Variants in GLE1 observed in about 807,000 individuals in gnomAD.
The protein encoded by GLE1 is GLE1 RNA export mediator, also known as mRNA export factor GLE1.
In GLE1, 78 loss-of-function variants were observed where a neutral mutation model predicts 97.3. The observed-to-expected ratio is 0.80, with a 90% confidence interval of 0.67 to 0.97. The LOEUF (loss-of-function observed/expected upper bound fraction) is 0.97, where lower values mean the gene tolerates loss of function less well. GLE1 is among the 50% of genes least tolerant of loss of function. The pLI, the probability that GLE1 is intolerant of heterozygous loss-of-function variation, is 0.00. For missense variants in GLE1, 753 were observed against 857.5 expected, an observed-to-expected ratio of 0.88 and a Z score of 1.52; for synonymous variants, 302 against 313.4, an observed-to-expected ratio of 0.96 and a Z score of 0.39.
chr9:128,539,763 A>G (rs1847833002), intron 14 of GLE1, 65 bp downstream of exon 14: 4 of 1,613,124 alleles, frequency 2.5e-6, no homozygotes, highest in East Asian at 2.2e-5. Flanking sequence ...CAGATACCCA[A>G]GGGTGCTATT....
rs1846960515 is a variant in GLE1, at chr9:128,515,584, T to G, written c.377T>G (p.Ile126Ser). ...ESMVLQSSRG[I>S]KVEGCVRMYE... Reference sequence around the variant, plus strand: ...ATGGTACTTCAGTCCTCACGGGGGATCAAAGTGGAAGGCTGCGTCCGAATG... The same window carrying G: ...ATGGTACTTCAGTCCTCACGGGGGAGCAAAGTGGAAGGCTGCGTCCGAATG... The change falls in exon 3 of 16, where the codon ATC becomes AGC. Residue 126 changes from isoleucine to serine, a missense_variant. Coordinates refer to ENST00000309971, the MANE Select transcript of GLE1 (RefSeq NM_001003722.2). 1.9e-6 allele frequency: 3 copies of G among 1,609,952 alleles called. No individual in the cohort carries two copies.
At chr9:128,540,929 C>T in intron 15 of GLE1, 173 bp from the exon 16 acceptor site, 1 of 627,030 alleles carries the variant, frequency 1.6e-6, no homozygotes, top group South Asian at 1.9e-5. Context: ...TGGAGCAGAT[C>T]ATGCAGAAGT....
intron 13 of GLE1, among the ~76,000 whole-genome samples, chr9:128,538,626 G>A (rs1450043685): frequency 2.6e-5 from 4 of 152,090 alleles, no homozygotes; most frequent in South Asian, 2.1e-4. Flanking sequence ...GTGAAACCCC[G>A]TCTCTACTAA....
rs780333779 is a variant in GLE1 at position 128,536,431 on chromosome 9, C to T, written c.1723C>T (p.Arg575Cys). The change falls in exon 12 of 16, where the codon CGT (arginine) becomes TGT (cysteine). Residue 575 changes from arginine (R) to cysteine (C), a missense_variant. Transcript: ENST00000309971. ...TCTAAAACGCATGTCAGGGATGATC[C>T]GTCTCTACGCTGCTATCATCCAGCT... Reference protein sequence around the residue: ...NFLKRMSGMIRLYAAIIQLRW... With the variant: ...NFLKRMSGMICLYAAIIQLRW... 2.5e-6 allele frequency: 4 copies of T among 1,613,948 alleles called. No individual in the cohort carries two copies. The highest frequency in any genetic ancestry group is 1.1e-5 in the South Asian group (1 of 91,074).
In GLE1 at chr9:128,509,025, A is replaced by G; in HGVS notation, c.249A>G (p.Ser83=). ...CAGCTTCAGCCCTAGATCAACCCTC[A>G]TTTGTTCCCAAATCTCCTGACGCAA... is the stretch of plus-strand genomic sequence containing the variant. The part of the protein sequence containing the change: ...STSASALDQP[S]FVPKSPDASS... The change falls in exon 2 of 16, where the codon TCA becomes TCG. Residue 83 remains serine (S), a synonymous_variant. Coordinates refer to ENST00000309971, the MANE Select transcript of GLE1 (RefSeq NM_001003722.2). 6.2e-7 allele frequency: 1 copy of G among 1,613,852 alleles called. No individual in the cohort carries two copies.
chr9:128,507,481 G>A (rs2132399490), intron 1 of GLE1, among the ~76,000 whole-genome samples: 1 of 152,130 alleles, frequency 6.6e-6, no homozygotes, highest in East Asian at 1.9e-4. Flanking sequence ...CTCCTTGAGA[G>A]GCTGAGGTGG....
rs780870445 is a variant in GLE1, at chr9:128,526,032, C to T, written c.1129+609C>T. Reference sequence around the variant, plus strand: ...TTGTTGTTGTTGTTGTTGTTTTTTGCGGGGAGGGGATGGAGATTTGCTCTT... The same window carrying T: ...TTGTTGTTGTTGTTGTTGTTTTTTGTGGGGAGGGGATGGAGATTTGCTCTT... On this transcript the variant is annotated intron_variant, in intron 7 of 15. Transcript: ENST00000309971. Among the ~76,000 whole-genome samples, 8 of 151,734 alleles carry T rather than the reference C, an allele frequency of 5.3e-5. No homozygotes were observed. In the South Asian group the frequency reaches 1.3e-3, roughly 24 times the overall value.
At chr9:128,516,896 G>A (rs2132435051) in intron 3 of GLE1, among the ~76,000 whole-genome samples, 1 of 152,232 alleles carries the variant, frequency 6.6e-6, no homozygotes, top group Non-Finnish European at 1.5e-5. Flanking sequence ...AAAGTGCTGG[G>A]ATTACAGGCA....
At chr9:128,506,726 A>G (rs1045386957) in intron 1 of GLE1, among the ~76,000 whole-genome samples, 2 of 152,196 alleles carry the variant, frequency 1.3e-5, no homozygotes, top group Admixed American at 1.3e-4. Flanking sequence ...TACACACATC[A>G]CCACACACAC....
chr9:128,539,812 A>G (rs1182900031), intron 14 of GLE1, 114 bp downstream of exon 14: 1 of 1,579,708 alleles, frequency 6.3e-7, no homozygotes, highest in African/African-American at 1.3e-5. Context: ...CACCTGTACT[A>G]AGTATGACAT....
intron 3 of GLE1, among the ~76,000 whole-genome samples, chr9:128,519,495 C>A (rs945594378): frequency 2.6e-5 from 4 of 152,190 alleles, no homozygotes; most frequent in African/African-American, 4.8e-5. Flanking sequence ...AGACCCCAGT[C>A]TCCCATAGCG....
intron 12 of GLE1, 21 bp from the exon 13 acceptor site, chr9:128,537,965 A>C (rs1179249010): frequency 1.4e-6 from 2 of 1,389,194 alleles, no homozygotes; most frequent in Non-Finnish European, 2.1e-6. Context: ...ATCAATGATA[A>C]CCAAGCTTCT....
In GLE1 at chr9:128,542,107, C is replaced by A. The variant is rs1031688762; in HGVS notation, c.*937C>A. 1 of 152,214 alleles carries A rather than the reference C, an allele frequency of 6.6e-6. No individual in the cohort carries two copies. Among genetic ancestry groups the A allele is most frequent in the African/African-American group, 2.4e-5 (1 of 41,442 alleles). The allele number at this position is 152,214 out of a possible 1,614,324, so 9.4% of individuals were successfully genotyped here. On this transcript the variant is annotated 3_prime_UTR_variant, in exon 16 of 16. Coordinates refer to ENST00000309971, the MANE Select transcript of GLE1 (RefSeq NM_001003722.2). ...AATTTGTTTTGTGGAAAGACTAATT[C>A]TCTTTGATACTGCAGAGGCAGTGGC...
intron 13 of GLE1, among the ~76,000 whole-genome samples, chr9:128,538,903 A>T (rs1847805740): frequency 6.6e-6 from 1 of 152,194 alleles, no homozygotes; most frequent in Non-Finnish European, 1.5e-5. Context: ...GGTACATGCC[A>T]TAACAAATCT....
intron 13 of GLE1, 149 bp downstream of exon 13, chr9:128,538,239 A>G (rs1480726428): frequency 2.9e-6 from 2 of 684,260 alleles, no homozygotes; most frequent in South Asian, 3.1e-5. Flanking sequence ...CCCAAGCTGT[A>G]GACCAACCTT....
chr9:128,530,071 C>G (rs1847443793), intron 9 of GLE1, among the ~76,000 whole-genome samples: 1 of 152,198 alleles, frequency 6.6e-6, no homozygotes, highest in African/African-American at 2.4e-5. Context: ...GCTGGGATTA[C>G]AGGCATGAGC....
chr9:128,536,153 C>G (rs1378877566), intron 11 of GLE1, among the ~76,000 whole-genome samples: 2 of 152,116 alleles, frequency 1.3e-5, no homozygotes, highest in African/African-American at 4.8e-5. Flanking sequence ...ATGCCTCAGC[C>G]TCCCAATTAG....
At chr9:128,540,618 A>G in intron 15 of GLE1, 1 of 427,600 alleles carries the variant, frequency 2.3e-6, no homozygotes, top group Non-Finnish European at 4.3e-6. Flanking sequence ...TTTTTTTTGC[A>G]TGTTGGCCAA....
intron 2 of GLE1, among the ~76,000 whole-genome samples, chr9:128,509,512 C>T (rs1219713622): frequency 6.6e-6 from 1 of 151,874 alleles, no homozygotes; most frequent in Non-Finnish European, 1.5e-5. Flanking sequence ...TTTGTCCCTG[C>T]CTCTGTTTTT....
Sources: gnomAD v4.1 joint callset for allele counts (sites outside exome capture counted in the v4.1 genomes callset) on GRCh38, gnomAD v4.1.1 for gene constraint, MANE v1.5 for transcripts, NCBI Gene and HGNC (gene_info 2026-07-23, HGNC 2026-07-21) for gene names.